The following DNAH9 variants were observed in gnomAD, a reference collection of about 807,000 sequenced individuals.
DNAH9 encodes the protein DNAH9 variant protein.
Under a neutral mutation model 471.6 loss-of-function variants are expected in DNAH9, and 345 were observed. The observed-to-expected ratio is 0.73, with a 90% CI of 0.67 to 0.80. The LOEUF (loss-of-function observed/expected upper bound fraction) is 0.80, where lower values mean the gene tolerates loss of function less well. DNAH9 is among the 30% of genes least tolerant of loss of function. The pLI is 0.00. For synonymous variants in DNAH9, 2,093 were observed against 2,123.6 expected, an observed-to-expected ratio of 0.99 and a Z score of 0.40; for missense variants, 5,407 against 5,609.2, an observed-to-expected ratio of 0.96 and a Z score of 1.15.
intron 57 of DNAH9, among the ~76,000 whole-genome samples, chr17:11,888,849 A>T (rs1245437466): frequency 1.3e-5 from 2 of 152,172 alleles, no homozygotes; most frequent in African/African-American, 4.8e-5. Flanking sequence ...CTGGCAGAGA[A>T]AGAAGAGGCA....
intron 67 of DNAH9, among the ~76,000 whole-genome samples, chr17:11,946,542 T>TAGTC (rs1438083765): frequency 6.6e-6 from 1 of 151,074 alleles, no homozygotes; most frequent in Non-Finnish European, 1.5e-5. Context: ...CAGGCACCTG[T>TAGTC]AGTCCCAGCC....
rs1249124533 is a variant in DNAH9 at position 11,619,955 on chromosome 17, C to T, written c.1350+174C>T. The T allele has an allele frequency of 1.4e-5, 8 of 586,672 alleles. No homozygotes were observed. The African/African-American group carries it at 1.5e-4, about 11-fold the overall frequency. 36.3% of individuals were successfully genotyped at this position (586,672 alleles called of 1,614,324 possible). A position where few individuals can be genotyped will look rare whatever the true frequency, so the allele number is the denominator to read the frequency against. On this transcript the variant is annotated intron_variant, in intron 6 of 68. Coordinates refer to ENST00000262442, the MANE Select transcript of DNAH9 (RefSeq NM_001372.4). ...AGTCACAGTGGCTCATGCCTGTAAT[C>T]CCACTAGCACTTTGGGAGGCAAAGG...
rs572124427 is a variant in DNAH9, at chr17:11,655,325, C to T, written c.2595+2323C>T. Among the ~76,000 whole-genome samples the T allele has an allele frequency of 1.4e-3, 208 of 148,658 alleles. 4 individuals are homozygous for T. In the South Asian group the frequency reaches 0.015, roughly 11 times the overall value. Reference sequence around the variant, plus strand: ...TGCTGCAAATGCCATTATTTCATTCCTTTTCATGGCTGAGTAGCATTCCAT... The same window carrying T: ...TGCTGCAAATGCCATTATTTCATTCTTTTTCATGGCTGAGTAGCATTCCAT... On this transcript the variant is annotated intron_variant, in intron 14 of 68. Coordinates refer to ENST00000262442, the MANE Select transcript of DNAH9 (RefSeq NM_001372.4).
At position 11,701,214 on chromosome 17, in the gene DNAH9, G is replaced by A. The variant is rs140561978; in HGVS notation, c.5118G>A (p.Pro1706=). The part of the protein sequence containing the change: ...TEGVTAYEEK[P]REQWLFDHPA... ...GTGTAACTGCCTATGAAGAAAAGCCGAGGGAGCAGTGGCTTTTTGACCACC... is the reference window on the plus strand; with the variant it reads ...GTGTAACTGCCTATGAAGAAAAGCCAAGGGAGCAGTGGCTTTTTGACCACC... Residue 1706 remains proline (P), a synonymous_variant, in exon 24 of 69, where the codon CCG becomes CCA. Transcript: ENST00000262442. 774 of 1,613,896 alleles carry A rather than the reference G, an allele frequency of 4.8e-4. 4 individuals are homozygous for A. In the East Asian group the frequency reaches 9.1e-3, roughly 19 times the overall value.
chr17:11,796,740 G>A (rs537739230), intron 42 of DNAH9, among the ~76,000 whole-genome samples: 6 of 152,146 alleles, frequency 3.9e-5, no homozygotes, highest in Non-Finnish European at 5.9e-5. Flanking sequence ...ATTCTTTCTC[G>A]GACTTTTCTC....
At chr17:11,955,239 G>A (rs1389705311) in intron 67 of DNAH9, among the ~76,000 whole-genome samples, 2 of 151,988 alleles carry the variant, frequency 1.3e-5, no homozygotes, top group African/African-American at 4.8e-5. Flanking sequence ...ATTGTCTATG[G>A]CTATTTTTGT....
intron 22 of DNAH9, among the ~76,000 whole-genome samples, chr17:11,695,192 C>T (rs1488007007): frequency 6.6e-6 from 1 of 152,114 alleles, no homozygotes; most frequent in East Asian, 1.9e-4. Context: ...CCGGCCACCT[C>T]GGAGCTTTCT....
chr17:11,966,333 T>C lies in DNAH9; in HGVS notation c.13234-2967T>C, dbSNP rs116554006. Among the ~76,000 whole-genome samples the C allele has an allele frequency of 1.7e-3, 265 of 152,302 alleles. 1 individual carries two copies. Among genetic ancestry groups the C allele is most frequent in the African/African-American group, 6.3e-3 (261 of 41,566 alleles). On this transcript the variant is annotated intron_variant, in intron 68 of 68. Transcript: ENST00000262442. Reference sequence around the variant, plus strand: ...AGTCAAAATGCTGAAAGAAAAAGACTATCTGCCAAGAATCCTACCTGCAGC... The same window carrying C: ...AGTCAAAATGCTGAAAGAAAAAGACCATCTGCCAAGAATCCTACCTGCAGC...
chr17:11,734,403 T>C (rs145848987), intron 28 of DNAH9, among the ~76,000 whole-genome samples: 1 of 152,324 alleles, frequency 6.6e-6, no homozygotes, highest in Non-Finnish European at 1.5e-5. Flanking sequence ...ATAGGACCAG[T>C]GTATCGGTAC....
chr17:11,784,462 A>C lies in DNAH9; in HGVS notation c.7984A>C (p.Ile2662Leu), dbSNP rs766095113. 1 of 1,614,150 alleles carries C rather than the reference A, an allele frequency of 6.2e-7. No homozygotes were observed. Among genetic ancestry groups the C allele is most frequent in the Non-Finnish European group, 8.5e-7 (1 of 1,180,030 alleles). Residue 2662 changes from isoleucine (I) to leucine (L), a missense_variant, in exon 41 of 69, where the codon ATT becomes CTT. Physicochemically the swap from Ile to Leu is conservative, Grantham distance 5. Coordinates refer to ENST00000262442, the MANE Select transcript of DNAH9 (RefSeq NM_001372.4). ...IDLALAFHQKIATTFLPTGIK... is the reference protein window; with the variant it reads ...IDLALAFHQKLATTFLPTGIK... ...TCTGGCCCTCGCCTTCCACCAGAAA[A>C]TTGCTACCACCTTCCTACCCACAGG...
At chr17:11,923,532 C>T (rs540103650) in intron 61 of DNAH9, among the ~76,000 whole-genome samples, 20 of 151,912 alleles carry the variant, frequency 1.3e-4, no homozygotes, top group East Asian at 2.0e-4. Context: ...AGGATGGTCT[C>T]GATCTCCTGA....
chr17:11,666,512 A>G (rs1403286849), intron 15 of DNAH9, among the ~76,000 whole-genome samples: 16 of 152,206 alleles, frequency 1.1e-4, no homozygotes, highest in Non-Finnish European at 7.3e-5. Flanking sequence ...TTTCTTCACA[A>G]TATAGAGGCC....
chr17:11,759,249 G>A (rs74391020), intron 35 of DNAH9, among the ~76,000 whole-genome samples: 4 of 151,984 alleles, frequency 2.6e-5, no homozygotes, highest in African/African-American at 9.6e-5. Context: ...GTATCCAATG[G>A]GGGTATTTCA....
intron 59 of DNAH9, among the ~76,000 whole-genome samples, chr17:11,898,480 T>G (rs957965740): frequency 1.3e-5 from 2 of 152,208 alleles, no homozygotes; most frequent in Non-Finnish European, 2.9e-5. Flanking sequence ...TAGTGACTTC[T>G]TTGTGACTTG....
At chr17:11,835,160 T>C (rs149005612) in intron 49 of DNAH9, among the ~76,000 whole-genome samples, 2 of 152,252 alleles carry the variant, frequency 1.3e-5, no homozygotes, top group African/African-American at 4.8e-5. Context: ...CCTTACTTCA[T>C]GTATGAGAAA....
At chr17:11,600,130 G>C (rs1385323360) in intron 1 of DNAH9, among the ~76,000 whole-genome samples, 1 of 152,142 alleles carries the variant, frequency 6.6e-6, no homozygotes, top group Non-Finnish European at 1.5e-5. Context: ...AGATATGGAG[G>C]TATTTCAATA....
intron 49 of DNAH9, among the ~76,000 whole-genome samples, chr17:11,852,574 C>G (rs527277517): frequency 6.6e-6 from 1 of 151,958 alleles, no homozygotes; most frequent in African/African-American, 2.4e-5. Context: ...CTGGAGCAGC[C>G]CCTGGTTCTT....
Position 11,611,713 on chromosome 17 carries a change from G to T in DNAH9, c.837G>T (p.Lys279Asn). The T allele has an allele frequency of 6.2e-7, 1 of 1,614,032 alleles. No homozygotes were observed. The highest frequency in any genetic ancestry group is 8.5e-7 in the Non-Finnish European group (1 of 1,179,852). Residue 279 changes from lysine to asparagine, a missense_variant, in exon 4 of 69, where the codon AAG becomes AAT. Around this residue, in one of 3 missense-constraint regions of DNAH9, gnomAD observed 767 missense variants for 692.5 expected, o/e 1.11. Transcript: ENST00000262442. ...CAATAACGGTGAGGGGCATGGCCAA[G>T]CTCCTGGACAAGCTTCAGAGTAGCT... Reference protein sequence around the residue: ...LRTITVRGMAKLLDKLQSSYF... With the variant: ...LRTITVRGMANLLDKLQSSYF...
At chr17:11,755,127 G>A (rs781739040) in intron 33 of DNAH9, among the ~76,000 whole-genome samples, 1 of 152,162 alleles carries the variant, frequency 6.6e-6, no homozygotes, top group Non-Finnish European at 1.5e-5. Context: ...AGATCAGATG[G>A]TCATAGGTGT....
Sources: gnomAD v4.1 joint callset for allele counts (sites outside exome capture counted in the v4.1 genomes callset) on GRCh38, gnomAD v4.1.1 for gene constraint, gnomAD v4.1.1 regional missense constraint, MANE v1.5 for transcripts, NCBI Gene and HGNC (gene_info 2026-07-23, HGNC 2026-07-21) for gene names.